Variants in CACNA2D1 observed in about 807,000 individuals in gnomAD.
The protein encoded by CACNA2D1 is calcium voltage-gated channel auxiliary subunit alpha2delta 1.
Under a neutral mutation model 171.5 loss-of-function variants are expected in CACNA2D1, and 53 were observed. The observed-to-expected ratio is 0.31, with a 90% confidence interval of 0.25 to 0.39. The LOEUF is 0.39. Among genes scored for constraint, CACNA2D1 ranks in the 10% least tolerant of loss-of-function variants. The pLI is 1.00. For synonymous variants in CACNA2D1, 442 were observed against 443.1 expected, an observed-to-expected ratio of 1.00 and a Z score of 0.03; for missense variants, 903 against 1,299.8, an observed-to-expected ratio of 0.69 and a Z score of 4.69.
intron 3 of CACNA2D1, among the ~76,000 whole-genome samples, chr7:82,299,389 G>A (rs890361715): frequency 2.0e-5 from 3 of 151,760 alleles, no homozygotes; most frequent in Admixed American, 6.6e-5. Context: ...GGCTGGGTGC[G>A]GTGGCTCACG....
chr7:82,254,578 G>C (rs144884803), intron 3 of CACNA2D1, among the ~76,000 whole-genome samples: 5 of 152,000 alleles, frequency 3.3e-5, no homozygotes, highest in African/African-American at 1.2e-4. Context: ...CTTAAGCGTC[G>C]TTTTGGTGGA....
At chr7:82,297,942 T>C (rs2129422432) in intron 3 of CACNA2D1, among the ~76,000 whole-genome samples, 1 of 152,288 alleles carries the variant, frequency 6.6e-6, no homozygotes, top group South Asian at 2.1e-4. Flanking sequence ...GTGGTTTTAA[T>C]TAGAATCAAG....
chr7:82,137,707 T>TA (rs1174278503), intron 4 of CACNA2D1, among the ~76,000 whole-genome samples: 5,215 of 78,690 alleles, frequency 0.066, 445 homozygotes, highest in Middle Eastern at 0.088. Flanking sequence ...CCGTCTCTAC[T>TA]AAAAAAAAAA....
chr7:82,055,515 A>C (rs184726957), intron 10 of CACNA2D1, among the ~76,000 whole-genome samples: 19 of 151,952 alleles, frequency 1.3e-4, no homozygotes, highest in Admixed American at 1.2e-3. Context: ...AACCAACCGA[A>C]ATGTCCAACA....
chr7:82,297,072 CAAAAAAA>C (rs57473351), intron 3 of CACNA2D1, among the ~76,000 whole-genome samples: 31,166 of 72,948 alleles, frequency 0.43, 5,253 homozygotes, highest in Non-Finnish European at 0.47. Flanking sequence ...CTGTGTCTAC[CAAAAAAA>C]AAAAAAAAAA....
intron 6 of CACNA2D1, among the ~76,000 whole-genome samples, chr7:82,090,172 T>C (rs1359015543): frequency 6.6e-6 from 1 of 152,112 alleles, no homozygotes; most frequent in Non-Finnish European, 1.5e-5. Flanking sequence ...AAAATTACAA[T>C]ACAATATTGT....
At chr7:82,018,335 G>T (rs1041860998) in intron 12 of CACNA2D1, among the ~76,000 whole-genome samples, 3 of 152,090 alleles carry the variant, frequency 2.0e-5, no homozygotes, top group African/African-American at 7.2e-5. Flanking sequence ...TGCTTGAGTG[G>T]TTTCTACTTC....
At chr7:82,093,758 A>G (rs1487226204) in intron 6 of CACNA2D1, among the ~76,000 whole-genome samples, 1 of 152,200 alleles carries the variant, frequency 6.6e-6, no homozygotes, top group Non-Finnish European at 1.5e-5. Context: ...AAATGAAATT[A>G]TATCAGGTCT....
intron 4 of CACNA2D1, among the ~76,000 whole-genome samples, chr7:82,159,476 G>A (rs534123744): frequency 3.3e-5 from 5 of 151,684 alleles, no homozygotes; most frequent in Non-Finnish European, 5.9e-5. Flanking sequence ...TCAGGAATCC[G>A]TCCATATCCA....
At chr7:82,357,275 G>A (rs943548488) in intron 1 of CACNA2D1, among the ~76,000 whole-genome samples, 2 of 152,044 alleles carry the variant, frequency 1.3e-5, no homozygotes, top group Non-Finnish European at 2.9e-5. Context: ...AAAAAAATAT[G>A]GTAATCCATT....
chr7:82,170,532 G>A lies in CACNA2D1; in HGVS notation c.354+18C>T, dbSNP rs1220112658. On this transcript the variant is annotated intron_variant, in intron 4 of 38. Coordinates refer to ENST00000356860, the MANE Select transcript of CACNA2D1 (RefSeq NM_000722.4). ...TATGTCAAGCTATTTAAATCAAGTA[G>A]TTAAAAGGGGTTCTTACTGCAAAAT... 14 of 1,595,562 alleles carry A rather than the reference G, an allele frequency of 8.8e-6. No individual in the cohort carries two copies. The highest frequency in any genetic ancestry group is 1.3e-5 in the African/African-American group (1 of 74,568).
rs1311704501 is a variant in CACNA2D1 at position 82,205,927 on chromosome 7, C to A, written c.295-35318G>T. ...CCTTTTCATTTTGATAGATATATAA[C>A]TTAAAAATTTTTTTGTTAAAAATGT... On this transcript the variant is annotated intron_variant, in intron 3 of 38. Transcript: ENST00000356860. 2.6e-5 allele frequency among the ~76,000 whole-genome samples: 4 copies of A among 152,100 alleles called. No individual in the cohort carries two copies. The East Asian group carries it at 7.7e-4, about 29-fold the overall frequency.
Position 82,271,095 on chromosome 7 carries a change from A to T in CACNA2D1, c.294+64040T>A, listed in dbSNP as rs77674836. Among the ~76,000 whole-genome samples the T allele has an allele frequency of 7.1e-3, 1,073 of 152,100 alleles. 5 individuals are homozygous for T. Among genetic ancestry groups the T allele is most frequent in the Middle Eastern group, 0.031 (9 of 294 alleles). On this transcript the variant is annotated intron_variant, in intron 3 of 38. Coordinates refer to ENST00000356860, the MANE Select transcript of CACNA2D1 (RefSeq NM_000722.4). ...TCAGGCCTCTGCTCTGGCTTTTTTC[A>T]TGTCAATTGTCACCTAAATGAAAGT...
At chr7:81,974,330 T>C in intron 25 of CACNA2D1, 125 bp downstream of exon 25, 1 of 567,346 alleles carries the variant, frequency 1.8e-6, no homozygotes, top group African/African-American at 1.9e-5. Context: ...ATTTTACTAT[T>C]AAAAAGTTGT....
At chr7:82,261,591 G>C (rs1368212816) in intron 3 of CACNA2D1, among the ~76,000 whole-genome samples, 1 of 152,096 alleles carries the variant, frequency 6.6e-6, no homozygotes, top group Non-Finnish European at 1.5e-5. Flanking sequence ...TATAAGGGTA[G>C]TATTCTACTT....
At chr7:82,219,346 T>C (rs941152505) in intron 3 of CACNA2D1, among the ~76,000 whole-genome samples, 3 of 152,138 alleles carry the variant, frequency 2.0e-5, no homozygotes, top group African/African-American at 7.2e-5. Context: ...GAAATAAGCA[T>C]AATTGGTTCT....
chr7:82,408,428 A>C (rs756274489), intron 1 of CACNA2D1, among the ~76,000 whole-genome samples: 3 of 152,300 alleles, frequency 2.0e-5, no homozygotes, highest in Non-Finnish European at 2.9e-5. Flanking sequence ...CTGGGACAGT[A>C]CACGAAACCT....
At chr7:81,996,576 T>A (rs1798068967) in intron 19 of CACNA2D1, among the ~76,000 whole-genome samples, 1 of 151,816 alleles carries the variant, frequency 6.6e-6, no homozygotes, top group Admixed American at 6.6e-5. Flanking sequence ...CAACAGATAT[T>A]ATAATTTGAA....
chr7:81,984,830 CAT>C (rs1796793504), intron 21 of CACNA2D1, 119 bp from the exon 22 acceptor site: 4 of 684,618 alleles, frequency 5.8e-6, no homozygotes, highest in Admixed American at 4.3e-5. Context: ...AAGGAAAAGA[CAT>C]ATTACTTTGA....
Sources: gnomAD v4.1 joint callset for allele counts (sites outside exome capture counted in the v4.1 genomes callset) on GRCh38, gnomAD v4.1.1 for gene constraint, MANE v1.5 for transcripts, NCBI Gene and HGNC (gene_info 2026-07-23, HGNC 2026-07-21) for gene names.